The following WWTR1 variants were observed in gnomAD, a reference collection of about 807,000 sequenced individuals.
WWTR1 encodes WW domain containing transcription regulator 1.
In WWTR1, 13 loss-of-function variants were observed where a neutral mutation model predicts 40.1. That is an observed-to-expected ratio of 0.32 (90% confidence interval 0.21 to 0.52). The LOEUF is 0.52. Ranked by LOEUF, WWTR1 falls within the 20% of genes least tolerant of loss-of-function variation. WWTR1 has a pLI of 0.97. For synonymous variants in WWTR1, 230 were observed against 210.1 expected (o/e 1.09, Z -0.82); for missense variants, 436 against 523.1 (o/e 0.83, Z 1.63).
chr3:149,676,979 C>A (rs1714282647), intron 1 of WWTR1, among the ~76,000 whole-genome samples: 1 of 150,974 alleles, frequency 6.6e-6, no homozygotes, highest in Non-Finnish European at 1.5e-5. Context: ...AGCAATGGGG[C>A]GATCTTGGCT....
At chr3:149,714,263 G>A (rs1715545160) in intron 5 of WWTR1, among the ~76,000 whole-genome samples, 1 of 152,202 alleles carries the variant, frequency 6.6e-6, no homozygotes. Context: ...GTGCTTAGGG[G>A]CTGGGAGCAG....
In WWTR1 at chr3:149,555,327, TAA is replaced by T. The variant is rs1405235105; in HGVS notation, c.569-12792_569-12791del. The stretch of plus-strand genomic sequence containing the variant: ...GTAGTCAAAAGACTTGAACGATTCA[TAA>T]AAGAGAACATGCAATTAGTAATAAA... On this transcript the variant is annotated intron_variant, in intron 3 of 6. Transcript: ENST00000360632. Among the ~76,000 whole-genome samples, 5 of 152,154 alleles carry T rather than the reference TAA, an allele frequency of 3.3e-5. 1 individual carries two copies. In the South Asian group the frequency reaches 6.2e-4, roughly 19 times the overall value.
chr3:149,626,059 T>G (rs1012046168), intron 2 of WWTR1, among the ~76,000 whole-genome samples: 2 of 152,194 alleles, frequency 1.3e-5, no homozygotes, highest in Non-Finnish European at 2.9e-5. Flanking sequence ...TAGCAATGAC[T>G]GCAAGGTAAT....
chr3:149,667,870 A>G (rs1208471918), intron 2 of WWTR1, among the ~76,000 whole-genome samples: 4 of 152,222 alleles, frequency 2.6e-5, no homozygotes, highest in South Asian at 2.1e-4. Flanking sequence ...CACCAGAGGG[A>G]AAAGAATCTG....
intron 2 of WWTR1, among the ~76,000 whole-genome samples, chr3:149,579,753 T>C (rs1461830398): frequency 6.6e-6 from 1 of 152,240 alleles, no homozygotes; most frequent in Non-Finnish European, 1.5e-5. Flanking sequence ...TAAAACTTTT[T>C]TGATTTACTA....
chr3:149,607,440 G>A (rs1739539530), intron 2 of WWTR1, among the ~76,000 whole-genome samples: 1 of 152,040 alleles, frequency 6.6e-6, no homozygotes, highest in African/African-American at 2.4e-5. Context: ...TCAGCCTCCT[G>A]AGTAGCTGGG....
chr3:149,618,636 T>C (rs1740117534), intron 2 of WWTR1, among the ~76,000 whole-genome samples: 1 of 152,104 alleles, frequency 6.6e-6, no homozygotes, highest in Non-Finnish European at 1.5e-5. Context: ...ATGTCAGATG[T>C]GAAAAAATAT....
chr3:149,606,381 A>G (rs1739487772), intron 2 of WWTR1, among the ~76,000 whole-genome samples: 1 of 152,282 alleles, frequency 6.6e-6, no homozygotes, highest in African/African-American at 2.4e-5. Context: ...TTCTGGCCCT[A>G]TGCATTCTTT....
upstream of WWTR1, among the ~76,000 whole-genome samples, chr3:149,660,694 C>T (rs551737855): frequency 6.6e-6 from 1 of 152,316 alleles, no homozygotes; most frequent in East Asian, 1.9e-4. Context: ...GACATTTAAG[C>T]TCTCTATTCT....
At chr3:149,628,074 G>GA (rs750330375) in intron 2 of WWTR1, among the ~76,000 whole-genome samples, 1,980 of 77,796 alleles carry the variant, frequency 0.025, 50 homozygotes, top group African/African-American at 0.078. Context: ...ACTCCGTCTC[G>GA]AAAAAAAAAA....
upstream of WWTR1, among the ~76,000 whole-genome samples, chr3:149,662,706 A>G (rs1713637889): frequency 1.3e-5 from 2 of 152,120 alleles, no homozygotes; most frequent in Non-Finnish European, 2.9e-5. Flanking sequence ...TTTTTTAACA[A>G]CTGTTCACAA....
intron 5 of WWTR1, among the ~76,000 whole-genome samples, chr3:149,711,387 A>C (rs1715474148): frequency 6.6e-6 from 1 of 152,256 alleles, no homozygotes; most frequent in African/African-American, 2.4e-5. Context: ...AATCAGTAGT[A>C]AAATAATAAA....
chr3:149,641,203 C>A (rs563323301), intron 2 of WWTR1, among the ~76,000 whole-genome samples: 2 of 152,256 alleles, frequency 1.3e-5, no homozygotes, highest in South Asian at 4.1e-4. Context: ...TAAATATGAT[C>A]TTTCGCTTCA....
At chr3:149,577,079 C>T (rs562379585) in intron 2 of WWTR1, among the ~76,000 whole-genome samples, 1 of 152,220 alleles carries the variant, frequency 6.6e-6, no homozygotes, top group African/African-American at 2.4e-5. Context: ...ATTGCTTGAA[C>T]CCAGGAGGCG....
At chr3:149,560,799 G>A (rs1293071295) in intron 3 of WWTR1, among the ~76,000 whole-genome samples, 1 of 152,130 alleles carries the variant, frequency 6.6e-6, no homozygotes, top group African/African-American at 2.4e-5. Flanking sequence ...GACATGTACT[G>A]GGAAGCAAAA....
At chr3:149,571,683 G>T in intron 3 of WWTR1, among the ~76,000 whole-genome samples, 1 of 152,190 alleles carries the variant, frequency 6.6e-6, no homozygotes, top group East Asian at 1.9e-4. Flanking sequence ...TATGAGGGAA[G>T]GGTGTCCAGG....
chr3:149,644,661 C>T (rs1307458331), intron 2 of WWTR1, among the ~76,000 whole-genome samples: 3 of 152,164 alleles, frequency 2.0e-5, no homozygotes, highest in African/African-American at 7.2e-5. Context: ...AGAGACTTCC[C>T]ACAATGCAAA....
intron 2 of WWTR1, among the ~76,000 whole-genome samples, chr3:149,600,324 C>T (rs957955501): frequency 2.6e-5 from 4 of 152,208 alleles, no homozygotes; most frequent in South Asian, 2.1e-4. Flanking sequence ...ACACAGTCCC[C>T]GATGGGAATA....
intron 2 of WWTR1, among the ~76,000 whole-genome samples, chr3:149,629,796 G>T (rs183563636): frequency 2.0e-5 from 3 of 152,274 alleles, no homozygotes; most frequent in Non-Finnish European, 4.4e-5. Flanking sequence ...ATCTGATCAT[G>T]AAAGTGTATA....
Sources: allele counts gnomAD v4.1 joint callset (sites outside exome capture counted in the v4.1 genomes callset), GRCh38; gene constraint gnomAD v4.1.1; transcripts MANE v1.5; gene names NCBI Gene and HGNC (gene_info 2026-07-23, HGNC 2026-07-21).